CREG2: variants seen among roughly 807,000 people sequenced by gnomAD.
CREG2 encodes the protein cellular repressor of E1A stimulated genes 2.
Under a neutral mutation model 26.2 loss-of-function variants are expected in CREG2, and 24 were observed. The ratio of observed to expected loss-of-function variants is 0.92; its 90% CI spans 0.66 to 1.29. The LOEUF (loss-of-function observed/expected upper bound fraction) is 1.29, where lower values mean the gene tolerates loss of function less well. Ranked by LOEUF, CREG2 falls within the 50% of genes most tolerant of loss-of-function variation. The pLI is 0.00. For missense variants in CREG2, 366 were observed against 398.6 expected (o/e 0.92, Z 0.70); for synonymous variants, 174 against 169.2 (o/e 1.03, Z -0.22).
chr2:101,355,004 G>T (rs1321224341), intron 3 of CREG2, among the ~76,000 whole-genome samples: 3 of 152,104 alleles, frequency 2.0e-5, no homozygotes, highest in African/African-American at 7.2e-5. Flanking sequence ...GCAGGGCATT[G>T]TCAAAGGTTG....
chr2:101,366,767 A>T (rs1426895282), intron 2 of CREG2, among the ~76,000 whole-genome samples: 1 of 152,160 alleles, frequency 6.6e-6, no homozygotes, highest in Non-Finnish European at 1.5e-5. Context: ...GGTTGCAGTG[A>T]GCCGAGATCG....
chr2:101,387,429 G>T lies in CREG2; in HGVS notation c.29C>A (p.Ala10Glu), dbSNP rs1395222791. 8.2e-7 allele frequency: 1 copy of T among 1,215,668 alleles called. No individual in the cohort carries two copies. The allele number at this position is 1,215,668 out of a possible 1,614,324, so 75.3% of individuals were successfully genotyped here. The change falls in exon 1 of 4, where the codon GCG becomes GAG. Residue 10 changes from alanine to glutamate, a missense_variant. Ala to Glu is a moderately radical substitution (Grantham distance 107). Transcript: ENST00000324768. This position sits in a 1 kb window ranked among gnomAD's most constrained non-coding sequence, Gnocchi z 4.7. MSVRRGRRPARPGTRLSWLL... is the reference protein window; with the variant it reads MSVRRGRRPERPGTRLSWLL... ...CCAGGAGAGGCGGGTCCCCGGCCGC[G>T]CCGGCCGCCGGCCGCGGCGCACGGA...
rs764570563 is a variant in CREG2, at chr2:101,383,617, G to A, written c.527C>T (p.Thr176Ile). The A allele has an allele frequency of 3.7e-6, 6 of 1,614,174 alleles. No individual in the cohort carries two copies. Among genetic ancestry groups the A allele is most frequent in the South Asian group, 1.1e-5 (1 of 91,082 alleles). The change falls in exon 2 of 4, where the codon ACA becomes ATA. Residue 176 changes from threonine to isoleucine, a missense_variant. Coordinates refer to ENST00000324768, the MANE Select transcript of CREG2 (RefSeq NM_153836.4). ...NSTGIPFFYM[T>I]AKDPVVADLM... ...ATCAGCCACCACGGGGTCCTTGGCT[G>A]TCATGTAGAAGAAAGGAATCCCAGT... is the stretch of plus-strand genomic sequence containing the variant.
Position 101,387,000 on chromosome 2 carries a change from C to T in CREG2, c.441+17G>A. The T allele has an allele frequency of 8.1e-7, 1 of 1,232,420 alleles. No individual in the cohort carries two copies. The highest frequency in any genetic ancestry group is 1.0e-6 in the Non-Finnish European group (1 of 988,806). 76.3% of individuals were successfully genotyped at this position (1,232,420 alleles called of 1,614,324 possible). On this transcript the variant is annotated intron_variant, in intron 1 of 3. Transcript: ENST00000324768. ...CCTGAATGCCAGGCCCCCTCGCGCTCCCCGCCGGGCGCTCACCTTCTTGTG... is the reference window on the plus strand; with the variant it reads ...CCTGAATGCCAGGCCCCCTCGCGCTTCCCGCCGGGCGCTCACCTTCTTGTG...
At chr2:101,372,652 T>C (rs1285428896) in intron 2 of CREG2, among the ~76,000 whole-genome samples, 2 of 152,222 alleles carry the variant, frequency 1.3e-5, no homozygotes, top group Non-Finnish European at 2.9e-5. Context: ...GGAATGTCAA[T>C]ATTGAATCCT....
chr2:101,377,930 A>G (rs1378580616), intron 2 of CREG2, among the ~76,000 whole-genome samples: 1 of 152,240 alleles, frequency 6.6e-6, no homozygotes, highest in Non-Finnish European at 1.5e-5. Flanking sequence ...TATTTTAAAA[A>G]TATTTAATTG....
At chr2:101,358,518 T>C (rs1684494179) in intron 2 of CREG2, among the ~76,000 whole-genome samples, 1 of 152,126 alleles carries the variant, frequency 6.6e-6, no homozygotes, top group Non-Finnish European at 1.5e-5. Context: ...ATGGCAAAAA[T>C]TGGAAGTAAC....
At chr2:101,386,452 T>G (rs1056698049) in intron 1 of CREG2, among the ~76,000 whole-genome samples, 1 of 152,218 alleles carries the variant, frequency 6.6e-6, no homozygotes, top group Admixed American at 6.5e-5. Flanking sequence ...CAATTAAAAG[T>G]GCAGCGAATA....
chr2:101,357,675 C>T (rs935134322), intron 2 of CREG2, among the ~76,000 whole-genome samples: 3 of 152,090 alleles, frequency 2.0e-5, no homozygotes, highest in Admixed American at 6.5e-5. Context: ...TTGTACATCA[C>T]CTCATTTTGT....
chr2:101,383,398 T>A lies in CREG2; in HGVS notation c.611+135A>T, dbSNP rs912477520. The A allele has an allele frequency of 2.0e-5, 16 of 801,578 alleles. No homozygotes were observed. In the Admixed American group the frequency reaches 2.6e-4, roughly 13 times the overall value. 49.7% of individuals were successfully genotyped at this position (801,578 alleles called of 1,614,324 possible). A position where few individuals can be genotyped will look rare whatever the true frequency, so the allele number is the denominator to read the frequency against. ...TGGTGAGTGGTGGAATTCTAATTTA[T>A]CTGATTTCAAGGGTGAACATCAATG... On this transcript the variant is annotated intron_variant, in intron 2 of 3. Coordinates refer to ENST00000324768, the MANE Select transcript of CREG2 (RefSeq NM_153836.4).
chr2:101,369,580 A>G (rs1684673109), intron 2 of CREG2, among the ~76,000 whole-genome samples: 1 of 152,206 alleles, frequency 6.6e-6, no homozygotes, highest in African/African-American at 2.4e-5. Context: ...CCACTGGCTC[A>G]AAAGAGCTTC....
At chr2:101,356,565 C>T (rs1684463707) in intron 2 of CREG2, among the ~76,000 whole-genome samples, 1 of 151,608 alleles carries the variant, frequency 6.6e-6, no homozygotes, top group South Asian at 2.1e-4. Flanking sequence ...TTTTTTTTAA[C>T]TGCAGAAACA....
chr2:101,361,906 G>A (rs1684545269), intron 2 of CREG2, among the ~76,000 whole-genome samples: 1 of 152,078 alleles, frequency 6.6e-6, no homozygotes, highest in Non-Finnish European at 1.5e-5. Context: ...GGCTACTTTG[G>A]TAAACAAGGG....
chr2:101,377,749 T>C (rs938252537), intron 2 of CREG2, among the ~76,000 whole-genome samples: 1 of 152,150 alleles, frequency 6.6e-6, no homozygotes, highest in Admixed American at 6.5e-5. Context: ...ATTAATTAAA[T>C]GAAGGCATCA....
intron 2 of CREG2, among the ~76,000 whole-genome samples, chr2:101,362,448 G>A (rs963536882): frequency 1.3e-5 from 2 of 152,290 alleles, no homozygotes; most frequent in African/African-American, 4.8e-5. Flanking sequence ...TCAACTGAAA[G>A]GTTGCTCACT....
chr2:101,372,411 C>T (rs1238895025), intron 2 of CREG2, among the ~76,000 whole-genome samples: 1 of 152,232 alleles, frequency 6.6e-6, no homozygotes, highest in East Asian at 1.9e-4. Context: ...TCATTAGTAT[C>T]TCCCTACCTC....
chr2:101,376,306 G>A (rs1391692495), intron 2 of CREG2, among the ~76,000 whole-genome samples: 1 of 149,330 alleles, frequency 6.7e-6, no homozygotes, highest in Non-Finnish European at 1.5e-5. Flanking sequence ...AACACAGAGT[G>A]TCACTCTGTT....
At position 101,346,618 on chromosome 2, in the gene CREG2, G is replaced by A. The variant is rs1684310409; in HGVS notation, c.*4305C>T. ...TATATTAACGGTTAACAAATGAAAT[G>A]CTGTCTCTTTGTACTAGGTTTTGGC... is the stretch of plus-strand genomic sequence containing the variant. On this transcript the variant is annotated 3_prime_UTR_variant, in exon 4 of 4. Transcript: ENST00000324768. The A allele has an allele frequency of 6.6e-6, 1 of 152,268 alleles. No individual in the cohort carries two copies. 9.4% of individuals were successfully genotyped at this position (152,268 alleles called of 1,614,324 possible).
intron 2 of CREG2, among the ~76,000 whole-genome samples, chr2:101,355,718 G>A (rs982701043): frequency 1.6e-4 from 24 of 151,730 alleles, no homozygotes; most frequent in African/African-American, 5.3e-4. Flanking sequence ...GGTGGGGTTC[G>A]GGGGGGTGGG....
Sources: allele counts gnomAD v4.1 joint callset (sites outside exome capture counted in the v4.1 genomes callset), GRCh38; gene constraint gnomAD v4.1.1; non-coding constraint Gnocchi (gnomAD v3.1); transcripts MANE v1.5; gene names NCBI Gene and HGNC (gene_info 2026-07-23, HGNC 2026-07-21).